The following SEMA6D variants were observed in gnomAD, a reference collection of about 807,000 sequenced individuals.
The protein encoded by SEMA6D is semaphorin 6D.
In SEMA6D, 35 loss-of-function variants were observed where a neutral mutation model predicts 106.6. The ratio of observed to expected loss-of-function variants is 0.33; its 90% confidence interval spans 0.25 to 0.44. The LOEUF (loss-of-function observed/expected upper bound fraction) is 0.44, where lower values mean the gene tolerates loss of function less well. Ranked by LOEUF, SEMA6D falls within the 20% of genes least tolerant of loss-of-function variation. The pLI, the probability that SEMA6D is intolerant of heterozygous loss-of-function variation, is 1.00. For missense variants in SEMA6D, 1,185 were observed against 1,345.9 expected (o/e 0.88, Z 1.87); for synonymous variants, 499 against 487.7 (o/e 1.02, Z -0.31).
chr15:47,658,379 G>A (rs1311685099), intron 4 of SEMA6D, among the ~76,000 whole-genome samples: 2 of 152,020 alleles, frequency 1.3e-5, no homozygotes, highest in African/African-American at 4.8e-5. Flanking sequence ...AAGTATTATG[G>A]TAAGGGATTT....
intron 2 of SEMA6D, among the ~76,000 whole-genome samples, chr15:47,445,074 C>T (rs2041991229): frequency 6.6e-6 from 1 of 152,080 alleles, no homozygotes; most frequent in South Asian, 2.1e-4. Context: ...CAATCATCCC[C>T]AGCCAAACTC....
At chr15:47,547,966 A>T (rs1373768279) in intron 3 of SEMA6D, among the ~76,000 whole-genome samples, 1 of 152,174 alleles carries the variant, frequency 6.6e-6, no homozygotes, top group Admixed American at 6.6e-5. Flanking sequence ...CACCTCTAAA[A>T]TGAAAACATG....
At chr15:47,468,777 G>A (rs552675157) in intron 2 of SEMA6D, among the ~76,000 whole-genome samples, 1 of 152,254 alleles carries the variant, frequency 6.6e-6, no homozygotes, top group Admixed American at 6.5e-5. Context: ...GAATAGTACA[G>A]ATAAAATTGC....
At chr15:47,475,428 C>CA (rs1284026910) in intron 3 of SEMA6D, among the ~76,000 whole-genome samples, 33 of 152,178 alleles carry the variant, frequency 2.2e-4, no homozygotes, top group African/African-American at 7.7e-4. Context: ...GAATCCTTTG[C>CA]AGTGTATCTG....
At chr15:47,608,468 A>T (rs1449928377) in intron 4 of SEMA6D, among the ~76,000 whole-genome samples, 1 of 152,088 alleles carries the variant, frequency 6.6e-6, no homozygotes. Context: ...GATTTGCTAG[A>T]TTTTCATTAA....
intron 2 of SEMA6D, among the ~76,000 whole-genome samples, chr15:47,423,284 A>G (rs967839636): frequency 7.9e-5 from 12 of 151,988 alleles, no homozygotes; most frequent in African/African-American, 2.7e-4. Context: ...TTGAGAAACT[A>G]TAGCTGCCTT....
At chr15:47,354,137 A>G (rs907409859) in intron 1 of SEMA6D, among the ~76,000 whole-genome samples, 2 of 150,486 alleles carry the variant, frequency 1.3e-5, no homozygotes, top group African/African-American at 4.9e-5. Context: ...GTGTATATAT[A>G]TATGGAATGA....
chr15:47,203,968 CAAT>C (rs1413415301), intron 1 of SEMA6D, among the ~76,000 whole-genome samples: 4 of 152,048 alleles, frequency 2.6e-5, no homozygotes. Flanking sequence ...AATAATTTGA[CAAT>C]AAAATATCTA....
intron 4 of SEMA6D, among the ~76,000 whole-genome samples, chr15:47,706,570 T>C (rs2078916071): frequency 6.6e-6 from 1 of 152,214 alleles, no homozygotes; most frequent in Non-Finnish European, 1.5e-5. Flanking sequence ...TTCCTGGCAA[T>C]GTAAGTACCT....
chr15:47,673,068 T>C (rs991497524), intron 4 of SEMA6D, among the ~76,000 whole-genome samples: 1 of 152,032 alleles, frequency 6.6e-6, no homozygotes, highest in Non-Finnish European at 1.5e-5. Context: ...CATCAGGTCA[T>C]GAATGACATA....
At chr15:47,236,011 GA>G (rs910748302) in intron 1 of SEMA6D, among the ~76,000 whole-genome samples, 3 of 152,060 alleles carry the variant, frequency 2.0e-5, no homozygotes, top group Admixed American at 2.0e-4. Flanking sequence ...GGTAGCAAGG[GA>G]TAGGACTAGG....
At chr15:47,369,217 A>T (rs2039178890) in intron 1 of SEMA6D, among the ~76,000 whole-genome samples, 1 of 152,132 alleles carries the variant, frequency 6.6e-6, no homozygotes, top group Admixed American at 6.5e-5. Flanking sequence ...TGTGAATATA[A>T]ATTGAAAGAT....
At chr15:47,761,547 G>C (rs2082061841) in intron 6 of SEMA6D, 114 bp from the exon 7 acceptor site, 10 of 1,250,548 alleles carry the variant, frequency 8.0e-6, no homozygotes, top group Admixed American at 6.6e-5. Context: ...CTAGTGCAAT[G>C]AAAGAATAAA....
chr15:47,444,763 T>C (rs969261372), intron 2 of SEMA6D, among the ~76,000 whole-genome samples: 2 of 152,082 alleles, frequency 1.3e-5, no homozygotes, highest in African/African-American at 2.4e-5. Flanking sequence ...CCCATGGTAG[T>C]GTCTAGGAGT....
chr15:47,558,325 A>G (rs540668235), intron 3 of SEMA6D, among the ~76,000 whole-genome samples: 2 of 152,210 alleles, frequency 1.3e-5, no homozygotes, highest in Non-Finnish European at 2.9e-5. Flanking sequence ...TGCCAATGAG[A>G]TAAATTACAG....
intron 3 of SEMA6D, among the ~76,000 whole-genome samples, chr15:47,560,099 C>T (rs1351836237): frequency 6.6e-6 from 1 of 152,008 alleles, no homozygotes; most frequent in African/African-American, 2.4e-5. Flanking sequence ...AAATAATTAT[C>T]TTCAGAGGAG....
intron 3 of SEMA6D, among the ~76,000 whole-genome samples, chr15:47,501,106 A>G (rs1257283241): frequency 1.3e-5 from 2 of 152,164 alleles, no homozygotes; most frequent in Non-Finnish European, 2.9e-5. Context: ...TGGGGATCCC[A>G]GAAAAAAATA....
At chr15:47,580,128 A>G (rs138962391) in intron 3 of SEMA6D, among the ~76,000 whole-genome samples, 2 of 152,312 alleles carry the variant, frequency 1.3e-5, no homozygotes, top group East Asian at 3.9e-4. Flanking sequence ...TCTCTGAGTT[A>G]GTAGAGAATG....
At chr15:47,204,967 A>G (rs926803843) in intron 1 of SEMA6D, among the ~76,000 whole-genome samples, 3 of 152,116 alleles carry the variant, frequency 2.0e-5, no homozygotes, top group Admixed American at 2.0e-4. Context: ...AAAATGTCAG[A>G]TTTATTTAGC....
Sources: allele counts gnomAD v4.1 joint callset (sites outside exome capture counted in the v4.1 genomes callset), GRCh38; gene constraint gnomAD v4.1.1; transcripts MANE v1.5; gene names NCBI Gene and HGNC (gene_info 2026-07-23, HGNC 2026-07-21).